Variants in TYW5 observed in about 807,000 individuals in gnomAD.
TYW5 encodes tRNA wybutosine-synthesizing protein 5.
In TYW5, 36 loss-of-function variants were observed where a neutral mutation model predicts 44.4. The observed-to-expected ratio is 0.81, with a 90% CI of 0.62 to 1.07. The LOEUF (loss-of-function observed/expected upper bound fraction) is 1.07. Ranked by LOEUF, TYW5 falls within the 50% of genes least tolerant of loss-of-function variation. TYW5 has a pLI of 0.00. For synonymous variants in TYW5, 121 were observed against 128.1 expected (o/e 0.94, Z 0.37); for missense variants, 354 against 365.7 (o/e 0.97, Z 0.26).
chr2:199,951,995 T>C (rs1034753403), intron 1 of TYW5, among the ~76,000 whole-genome samples: 23 of 150,416 alleles, frequency 1.5e-4, no homozygotes, highest in South Asian at 4.2e-4. Flanking sequence ...CCAGCCTGGG[T>C]GACAGAGCAA....
chr2:199,940,386 G>C (rs1216297879), intron 3 of TYW5, among the ~76,000 whole-genome samples: 1 of 152,068 alleles, frequency 6.6e-6, no homozygotes, highest in East Asian at 1.9e-4. Flanking sequence ...GGCGTGGTGG[G>C]TCACAACTGT....
rs2077390838 is a variant in TYW5 at position 199,932,953 on chromosome 2, T to G, written c.*114A>C. Reference sequence around the variant, plus strand: ...CAAGTAGAATCCACACAAACACCCCTTCGTACTTACATAATCTGTAAATCT... The same window carrying G: ...CAAGTAGAATCCACACAAACACCCCGTCGTACTTACATAATCTGTAAATCT... On this transcript the variant is annotated 3_prime_UTR_variant, in exon 8 of 8. Transcript: ENST00000354611. The G allele has an allele frequency of 5.5e-6, 7 of 1,263,596 alleles. No homozygotes were observed. In the South Asian group the frequency reaches 1.1e-4, roughly 19 times the overall value. The allele number at this position is 1,263,596 out of a possible 1,614,324, so 78.3% of individuals were successfully genotyped here.
Position 199,931,607 on chromosome 2 carries a change from T to C in TYW5, c.*1460A>G, listed in dbSNP as rs1372587046. 1 of 152,198 alleles carries C rather than the reference T, an allele frequency of 6.6e-6. No individual in the cohort carries two copies. The highest frequency in any genetic ancestry group is 2.4e-5 in the African/African-American group (1 of 41,462). 9.4% of individuals were successfully genotyped at this position (152,198 alleles called of 1,614,324 possible). A position where few individuals can be genotyped will look rare whatever the true frequency, so the allele number is the denominator to read the frequency against. On this transcript the variant is annotated 3_prime_UTR_variant, in exon 8 of 8. Coordinates refer to ENST00000354611, the MANE Select transcript of TYW5 (RefSeq NM_001039693.3). Reference sequence around the variant, plus strand: ...TCATTCCTTTTCTGACAAGACTTTTTTCACCTTTATTCACCTGAGTAACTT... The same window carrying C: ...TCATTCCTTTTCTGACAAGACTTTTCTCACCTTTATTCACCTGAGTAACTT...
intron 2 of TYW5, chr2:199,945,848 C>T (rs1409653431): frequency 2.6e-5 from 4 of 152,240 alleles, no homozygotes; most frequent in Non-Finnish European, 4.4e-5. Flanking sequence ...CCTGTCATAG[C>T]TTCTACTAAG....
At chr2:199,952,727 G>A (rs1162747565) in intron 1 of TYW5, among the ~76,000 whole-genome samples, 4 of 152,098 alleles carry the variant, frequency 2.6e-5, no homozygotes, top group Non-Finnish European at 5.9e-5. Context: ...GCCTTCCATA[G>A]ACCTAGATTA....
rs2077359812 is a variant in TYW5, at chr2:199,929,777, T to G, written c.*3290A>C. Among the ~76,000 whole-genome samples the G allele has an allele frequency of 6.6e-6, 1 of 151,960 alleles. No individual in the cohort carries two copies. Among genetic ancestry groups the G allele is most frequent in the African/African-American group, 2.4e-5 (1 of 41,370 alleles). On this transcript the variant is annotated 3_prime_UTR_variant, in exon 8 of 8. Transcript: ENST00000354611. ...ACAGGACAAATAGAATTCTAATGTA[T>G]TCAAATACCAAGACAAATAATGTTA...
chr2:199,935,868 G>A, intron 7 of TYW5, 63 bp downstream of exon 7: 3 of 1,043,730 alleles, frequency 2.9e-6, no homozygotes, highest in South Asian at 1.4e-5. Context: ...AAAATCACAT[G>A]AAGGATGAGT....
chr2:199,951,904 C>A (rs947972864), intron 1 of TYW5, among the ~76,000 whole-genome samples: 1 of 151,894 alleles, frequency 6.6e-6, no homozygotes, highest in African/African-American at 2.4e-5. Context: ...GTAGTCCCAG[C>A]TACTCAGGAG....
chr2:199,936,097 T>TA, intron 6 of TYW5, 50 bp from the exon 7 acceptor site: 1 of 1,056,886 alleles, frequency 9.5e-7, no homozygotes, highest in South Asian at 1.4e-5. Context: ...GTTAGCATTT[T>TA]AAAAAAAGTA....
chr2:199,936,081 A>C, intron 6 of TYW5, 34 bp from the exon 7 acceptor site: 1 of 1,179,008 alleles, frequency 8.5e-7, no homozygotes, highest in Non-Finnish European at 1.2e-6. Flanking sequence ...ATATAGATTC[A>C]GCAAAGTTAG....
At position 199,933,263 on chromosome 2, in the gene TYW5, T is replaced by C. The variant is rs771985958; in HGVS notation, c.752A>G (p.Lys251Arg). Residue 251 changes from lysine to arginine, a missense_variant, in exon 8 of 8, where the codon AAG becomes AGG. Coordinates refer to ENST00000354611, the MANE Select transcript of TYW5 (RefSeq NM_001039693.3). ...EFGVGVNIFW[K>R]HLPSECYDKT... ...ATCATAGCATTCAGATGGAAGGTGC[T>C]TCCAAAAGATATTCACTCCCACTCC... 2.5e-6 allele frequency: 4 copies of C among 1,614,032 alleles called. No individual in the cohort carries two copies. Among genetic ancestry groups the C allele is most frequent in the Middle Eastern group, 1.7e-4 (1 of 6,060 alleles).
chr2:199,939,200 C>T, intron 4 of TYW5, 130 bp from the exon 5 acceptor site: 1 of 765,002 alleles, frequency 1.3e-6, no homozygotes, highest in African/African-American at 1.7e-5. Context: ...TGATCTCTCT[C>T]TCTCTATCTT....
rs559615714 is a variant in TYW5 at position 199,931,935 on chromosome 2, T to G, written c.*1132A>C. 2 of 152,314 alleles carry G rather than the reference T, an allele frequency of 1.3e-5. No homozygotes were observed. Among genetic ancestry groups the G allele is most frequent in the Non-Finnish European group, 2.9e-5 (2 of 68,030 alleles). The allele number at this position is 152,314 out of a possible 1,614,324, so 9.4% of individuals were successfully genotyped here. A position where few individuals can be genotyped will look rare whatever the true frequency, so the allele number is the denominator to read the frequency against. ...CACTTTTAGGATCTCATTTATTCAT[T>G]CTTTAAGTAATTTTTCTTTTAAAAA... On this transcript the variant is annotated 3_prime_UTR_variant, in exon 8 of 8. Coordinates refer to ENST00000354611, the MANE Select transcript of TYW5 (RefSeq NM_001039693.3).
At chr2:199,944,482 C>A (rs2077489339) in intron 2 of TYW5, 1 of 152,254 alleles carries the variant, frequency 6.6e-6, no homozygotes, top group South Asian at 2.1e-4. Flanking sequence ...ATGAACAGGG[C>A]TGAACACTGT....
At chr2:199,943,660 A>C in intron 3 of TYW5, 105 bp downstream of exon 3, 1 of 862,932 alleles carries the variant, frequency 1.2e-6, no homozygotes, top group East Asian at 2.7e-5. Flanking sequence ...ACGAATGTCT[A>C]TCAGAGACGG....
chr2:199,935,662 A>T (rs2077412471), intron 7 of TYW5, among the ~76,000 whole-genome samples: 1 of 149,166 alleles, frequency 6.7e-6, no homozygotes, highest in South Asian at 2.1e-4. Flanking sequence ...CTGTTAACTT[A>T]TAGGCCAAAA....
Position 199,939,039 on chromosome 2 carries a change from A to T in TYW5, c.380T>A (p.Leu127Ter). ...DVADIRKQFP[L>*]LKGDIKFPEF... ...TGGAAACTTAATATCTCCTTTCAAC[A>T]AAGGAAACTGCTTTCTGATATCTGC... is the stretch of plus-strand genomic sequence containing the variant. Residue 127 changes from leucine to a stop codon, truncating the protein, a stop_gained, in exon 5 of 8, where the codon TTG becomes TAG. Coordinates refer to ENST00000354611, the MANE Select transcript of TYW5 (RefSeq NM_001039693.3). LOFTEE classifies it high-confidence loss of function. 6.2e-7 allele frequency: 1 copy of T among 1,611,122 alleles called. No individual in the cohort carries two copies. The highest frequency in any genetic ancestry group is 8.5e-7 in the Non-Finnish European group (1 of 1,179,186).
In TYW5 at chr2:199,955,453, G is replaced by A. The variant is rs1449743776; in HGVS notation, c.18C>T (p.Leu6=). The change falls in exon 1 of 8, where the codon CTC becomes CTT. Residue 6 remains leucine (L), a synonymous_variant. Transcript: ENST00000354611. MAGQH[L]PVPRLEGVSR... ...AAACGCCCTCCAGCCGGGGTACCGG[G>A]AGGTGCTGCCCGGCCATGGTTGCTC... is the stretch of plus-strand genomic sequence containing the variant. The A allele has an allele frequency of 6.2e-7, 1 of 1,613,768 alleles. No individual in the cohort carries two copies. Among genetic ancestry groups the A allele is most frequent in the Non-Finnish European group, 8.5e-7 (1 of 1,179,982 alleles).
intron 4 of TYW5, 96 bp downstream of exon 4, chr2:199,939,993 T>C (rs2077451415): frequency 8.9e-7 from 1 of 1,127,976 alleles, no homozygotes; most frequent in Non-Finnish European, 1.3e-6. Context: ...GAACAGGGAA[T>C]ATGTCAGGCA....
Sources: allele counts gnomAD v4.1 joint callset (sites outside exome capture counted in the v4.1 genomes callset), GRCh38; gene constraint gnomAD v4.1.1; transcripts MANE v1.5; gene names NCBI Gene and HGNC (gene_info 2026-07-23, HGNC 2026-07-21).